RAPSN: variants seen among roughly 807,000 people sequenced by gnomAD.
RAPSN encodes 43 kDa receptor-associated protein of the synapse.
A neutral mutation model predicts 45.7 loss-of-function variants in RAPSN; 33 were observed. The ratio of observed to expected loss-of-function variants is 0.72; its 90% CI spans 0.55 to 0.97. The LOEUF (loss-of-function observed/expected upper bound fraction) is 0.97. Ranked by LOEUF, RAPSN falls within the 50% of genes least tolerant of loss-of-function variation. RAPSN has a pLI of 0.00. For missense variants in RAPSN, 519 were observed against 559.4 expected, an observed-to-expected ratio of 0.93 and a Z score of 0.73; for synonymous variants, 244 against 233.6, an observed-to-expected ratio of 1.04 and a Z score of -0.40.
chr11:47,438,832 C>T lies in RAPSN; in HGVS notation c.1066G>A (p.Val356Met), dbSNP rs570140663. ...RAHVVRFHEC[V>M]EETELYCGLC... ...CCGCAGTAGAGCTCCGTCTCCTCCA[C>T]GCACTCGTGGAACCTCACAACGTGC... Residue 356 changes from valine (V) to methionine (M), a missense_variant, in exon 7 of 8, where the codon GTG becomes ATG. By Grantham distance (21) the Val-to-Met change is conservative (BLOSUM62 1). Coordinates refer to ENST00000298854, the MANE Select transcript of RAPSN (RefSeq NM_005055.5). 1.4e-4 allele frequency: 218 copies of T among 1,573,580 alleles called. No homozygotes were observed. The highest frequency in any genetic ancestry group is 1.8e-4 in the Non-Finnish European group (203 of 1,158,716).
chr11:47,437,810 G>A lies in RAPSN; in HGVS notation c.*165C>T. The A allele has an allele frequency of 1.2e-6, 1 of 810,412 alleles. No homozygotes were observed. Among genetic ancestry groups the A allele is most frequent in the East Asian group, 2.7e-5 (1 of 37,598 alleles). 50.2% of individuals were successfully genotyped at this position (810,412 alleles called of 1,614,324 possible). ...TTCTATAAAGAGCAAAGTACAAAGA[G>A]GCAGGGAGGGGAGCTGGGCCCAGGG... On this transcript the variant is annotated 3_prime_UTR_variant, in exon 8 of 8. Transcript: ENST00000298854.
chr11:47,442,665 C>T lies in RAPSN; in HGVS notation c.681G>A (p.Glu227=), dbSNP rs745669528. 6.2e-7 allele frequency: 1 copy of T among 1,614,158 alleles called. No individual in the cohort carries two copies. The highest frequency in any genetic ancestry group is 8.5e-7 in the Non-Finnish European group (1 of 1,180,018). ...RLLGRLGSAM[E]CCEESMKIAL... is the part of the protein sequence containing the mutation. ...TTCCCCGCTGCCCCACCTCACAACA[C>T]TCCATGGCACTGCCCAGGCGGCCCA... Residue 227 remains glutamate (E), a synonymous_variant, in exon 3 of 8, where the codon GAG becomes GAA. Transcript: ENST00000298854.
chr11:47,438,554 C>T (rs2076333046), intron 7 of RAPSN, 178 bp downstream of exon 7: 1 of 685,920 alleles, frequency 1.5e-6, no homozygotes, highest in Admixed American at 2.8e-5. Context: ...AACCCCGGGG[C>T]TCAAGTGATC....
rs553983766 is a variant in RAPSN at position 47,442,818 on chromosome 11, C to A, written c.532-4G>T. 1 of 1,613,974 alleles carries A rather than the reference C, an allele frequency of 6.2e-7. No individual in the cohort carries two copies. Among genetic ancestry groups the A allele is most frequent in the African/African-American group, 1.3e-5 (1 of 75,068 alleles). On this transcript the variant is annotated splice_region_variant and splice_polypyrimidine_tract_variant and intron_variant, in intron 2 of 7. Transcript: ENST00000298854. ...AGAACAGGGCTTTCTCGTAGTCCTG[C>A]AGGGGACATGGAATGGAAGGAGGCA...
At chr11:47,448,180 C>A in intron 1 of RAPSN, 30 bp from the exon 2 acceptor site, 1 of 1,601,560 alleles carries the variant, frequency 6.2e-7, no homozygotes, top group South Asian at 1.1e-5. Flanking sequence ...GCAGGTGGTG[C>A]TCAGCCTGGA....
Position 47,447,872 on chromosome 11 carries a change from A to C in RAPSN, c.471T>G (p.Asp157Glu). 1 of 1,613,636 alleles carries C rather than the reference A, an allele frequency of 6.2e-7. No homozygotes were observed. The highest frequency in any genetic ancestry group is 8.5e-7 in the Non-Finnish European group (1 of 1,179,932). The change falls in exon 2 of 8, where the codon GAT (aspartate) becomes GAG (glutamate). Residue 157 changes from aspartate to glutamate, a missense_variant. Physicochemically the swap from Asp to Glu is conservative, Grantham distance 45. Coordinates refer to ENST00000298854, the MANE Select transcript of RAPSN (RefSeq NM_005055.5). ...ACACGCGGCACTCGAGCATGGCGTC[A>C]TCATTGTTGTGGGCATAGCGCAGGG... ...EKALRYAHNN[D>E]DAMLECRVCC... is the part of the protein sequence containing the mutation.
At position 47,441,705 on chromosome 11, in the gene RAPSN, A is replaced by C. The variant is rs1026111662; in HGVS notation, c.818T>G (p.Met273Arg). Residue 273 changes from methionine (M) to arginine (R), a missense_variant, in exon 5 of 8, where the codon ATG becomes AGG. Coordinates refer to ENST00000298854, the MANE Select transcript of RAPSN (RefSeq NM_005055.5). The stretch of plus-strand genomic sequence containing the variant: ...GTTTCCGATCTCGGTCATGATGCTC[A>C]TGGCGGAGTCGTACCTGGGGAAGGC... ...ETAFPRYDSA[M>R]SIMTEIGNRL... The C allele has an allele frequency of 2.5e-6, 4 of 1,608,848 alleles. No individual in the cohort carries two copies. In the African/African-American group the frequency reaches 5.3e-5, roughly 21 times the overall value.
chr11:47,445,072 A>G (rs1321510403), intron 2 of RAPSN, among the ~76,000 whole-genome samples: 1 of 149,234 alleles, frequency 6.7e-6, no homozygotes, highest in East Asian at 2.0e-4. Context: ...AAATACACAC[A>G]CAAAAAAAAT....
intron 3 of RAPSN, among the ~76,000 whole-genome samples, chr11:47,442,347 G>T (rs2153308943): frequency 6.6e-6 from 1 of 152,260 alleles, no homozygotes; most frequent in South Asian, 2.1e-4. Flanking sequence ...CAGCTGTAGA[G>T]AACTCATCTC....
chr11:47,441,673 C>T lies in RAPSN; in HGVS notation c.850G>A (p.Gly284Arg), dbSNP rs1294627986. The T allele has an allele frequency of 6.2e-7, 1 of 1,609,828 alleles. No individual in the cohort carries two copies. The highest frequency in any genetic ancestry group is 8.5e-7 in the Non-Finnish European group (1 of 1,179,830). ...SIMTEIGNRLGQVQALLGVAK... is the reference protein window; with the variant it reads ...SIMTEIGNRLRQVQALLGVAK... ...ACACCCAGCAGCGCCTGCACCTGCC[C>T]CAGGCGGTTTCCGATCTCGGTCATG... Residue 284 changes from glycine to arginine, a missense_variant, in exon 5 of 8, where the codon GGG (glycine) becomes AGG (arginine). Transcript: ENST00000298854.
At chr11:47,442,024 T>C in intron 3 of RAPSN, 103 bp from the exon 4 acceptor site, 7 of 1,165,678 alleles carry the variant, frequency 6.0e-6, no homozygotes, top group South Asian at 2.6e-5. Flanking sequence ...GGAAGCAACA[T>C]CCTCAGAGCC....
chr11:47,438,971 G>C (rs972443743), intron 6 of RAPSN, 40 bp from the exon 7 acceptor site: 1 of 1,542,936 alleles, frequency 6.5e-7, no homozygotes. Flanking sequence ...TGGGGGATGA[G>C]AACAAAGTCA....
intron 2 of RAPSN, among the ~76,000 whole-genome samples, chr11:47,446,757 T>C (rs1424767744): frequency 2.0e-5 from 3 of 152,006 alleles, no homozygotes; most frequent in African/African-American, 7.3e-5. Flanking sequence ...ACACAAAAAT[T>C]AGCCGGGCGT....
Position 47,448,078 on chromosome 11 carries a change from G to C in RAPSN, c.265C>G (p.Leu89Val), listed in dbSNP as rs543224303. 5.6e-6 allele frequency: 9 copies of C among 1,613,900 alleles called. No individual in the cohort carries two copies. Among genetic ancestry groups the C allele is most frequent in the South Asian group, 1.1e-5 (1 of 91,086 alleles). Reference sequence around the variant, plus strand: ...CACAGCTTCTCGTTGCTGCGTGCCAGGTTCAGGTAGCTCTCCAGGAGGAAG... The same window carrying C: ...CACAGCTTCTCGTTGCTGCGTGCCACGTTCAGGTAGCTCTCCAGGAGGAAG... Reference protein sequence around the residue: ...ADFLLESYLNLARSNEKLCEF... With the variant: ...ADFLLESYLNVARSNEKLCEF... The change falls in exon 2 of 8, where the codon CTG (leucine) becomes GTG (valine). Residue 89 changes from leucine to valine, a missense_variant. Coordinates refer to ENST00000298854, the MANE Select transcript of RAPSN (RefSeq NM_005055.5).
chr11:47,438,672 G>A (rs1195066743), intron 7 of RAPSN, 60 bp downstream of exon 7: 1 of 1,536,922 alleles, frequency 6.5e-7, no homozygotes, highest in East Asian at 2.4e-5. Flanking sequence ...AGCCAGCTGG[G>A]CCCTAGAGTG....
At chr11:47,447,750 G>C in intron 2 of RAPSN, 62 bp downstream of exon 2, 4 of 1,509,848 alleles carry the variant, frequency 2.6e-6, no homozygotes, top group Non-Finnish European at 3.6e-6. Context: ...CACAGGGTGT[G>C]TGCCTCATGA....
At chr11:47,447,350 G>A (rs1030096896) in intron 2 of RAPSN, among the ~76,000 whole-genome samples, 9 of 152,134 alleles carry the variant, frequency 5.9e-5, no homozygotes, top group African/African-American at 2.4e-5. Flanking sequence ...TGAGGACGGG[G>A]ACTTGGCTGT....
intron 2 of RAPSN, among the ~76,000 whole-genome samples, chr11:47,446,085 T>C (rs907844920): frequency 1.3e-5 from 2 of 151,606 alleles, no homozygotes; most frequent in African/African-American, 4.8e-5. Context: ...TGAGCCACCA[T>C]GTCTGGTTCA....
Position 47,441,909 on chromosome 11 carries a change from T to C in RAPSN, c.703A>G (p.Ile235Val). Residue 235 changes from isoleucine (I) to valine (V), a missense_variant, in exon 4 of 8, where the codon ATC becomes GTC. Coordinates refer to ENST00000298854, the MANE Select transcript of RAPSN (RefSeq NM_005055.5). ...GGCCGGTCCCCGTGCTGCAGCGCGA[T>C]CTTCATAGACTCCTGCGAGGGAGGC... Reference protein sequence around the residue: ...AMECCEESMKIALQHGDRPLQ... With the variant: ...AMECCEESMKVALQHGDRPLQ... The C allele has an allele frequency of 2.6e-6, 4 of 1,567,704 alleles. No individual in the cohort carries two copies. In the South Asian group the frequency reaches 3.5e-5, roughly 14 times the overall value.
Sources: gnomAD v4.1 joint callset for allele counts (sites outside exome capture counted in the v4.1 genomes callset) on GRCh38, gnomAD v4.1.1 for gene constraint, MANE v1.5 for transcripts, NCBI Gene and HGNC (gene_info 2026-07-23, HGNC 2026-07-21) for gene names.